The following EIF2S2 variants were observed in gnomAD, a reference collection of about 807,000 sequenced individuals.
EIF2S2 encodes the protein eukaryotic translation initiation factor 2 subunit 2.
Under a neutral mutation model 44.0 loss-of-function variants are expected in EIF2S2, and 4 were observed. The observed-to-expected ratio is 0.09, with a 90% confidence interval of 0.04 to 0.21. EIF2S2 has a LOEUF of 0.21. EIF2S2 is among the 10% of genes least tolerant of loss of function. The pLI, the probability that EIF2S2 is intolerant of heterozygous loss-of-function variation, is 1.00. For missense variants in EIF2S2, 154 were observed against 392.0 expected (o/e 0.39, Z 5.13); for synonymous variants, 108 against 128.3 (o/e 0.84, Z 1.07).
chr20:34,096,561 A>G lies in EIF2S2; in HGVS notation c.683+96T>C, dbSNP rs376687427. 140 of 1,281,118 alleles carry G rather than the reference A, an allele frequency of 1.1e-4. No homozygotes were observed. In the African/African-American group the frequency reaches 1.5e-3, roughly 14 times the overall value. The allele number at this position is 1,281,118 out of a possible 1,614,324, so 79.4% of individuals were successfully genotyped here. A position where few individuals can be genotyped will look rare whatever the true frequency, so the allele number is the denominator to read the frequency against. On this transcript the variant is annotated intron_variant, in intron 6 of 8. Coordinates refer to ENST00000374980, the MANE Select transcript of EIF2S2 (RefSeq NM_003908.5). ...ACCCCTACACCTGTGTGTTCTTTCC[A>G]TCTATAATAAAGTCGACAATAAGGA...
At position 34,089,655 on chromosome 20, in the gene EIF2S2, G is replaced by T; in HGVS notation, c.*75C>A. ...TTTTTTATCTTGTTTTTAATACAACGGTATATCCACTCTGATGGCAAACCT... is the reference window on the plus strand; with the variant it reads ...TTTTTTATCTTGTTTTTAATACAACTGTATATCCACTCTGATGGCAAACCT... On this transcript the variant is annotated 3_prime_UTR_variant, in exon 9 of 9. Transcript: ENST00000374980. The T allele has an allele frequency of 1.3e-6, 2 of 1,504,998 alleles. No individual in the cohort carries two copies. Among genetic ancestry groups the T allele is most frequent in the African/African-American group, 1.4e-5 (1 of 71,682 alleles). 93.2% of individuals were successfully genotyped at this position (1,504,998 alleles called of 1,614,324 possible).
chr20:34,112,174 G>A lies in EIF2S2; in HGVS notation c.-64C>T, dbSNP rs949095656. On this transcript the variant is annotated 5_prime_UTR_variant, in exon 1 of 9. Transcript: ENST00000374980. ...AGACGGGTCAGCCCCAGGCCCCGGC[G>A]GCAGCGCTGCCCCTGCCGATACCTC... 18 of 1,483,046 alleles carry A rather than the reference G, an allele frequency of 1.2e-5. No homozygotes were observed. The highest frequency in any genetic ancestry group is 1.6e-5 in the Non-Finnish European group (18 of 1,105,224). 91.9% of individuals were successfully genotyped at this position (1,483,046 alleles called of 1,614,324 possible). A position where few individuals can be genotyped will look rare whatever the true frequency, so the allele number is the denominator to read the frequency against.
At chr20:34,099,827 A>G (rs1360758243) in intron 3 of EIF2S2, among the ~76,000 whole-genome samples, 1 of 152,180 alleles carries the variant, frequency 6.6e-6, no homozygotes, top group Non-Finnish European at 1.5e-5. Context: ...ACAGCCAAAC[A>G]TAAGCAATGC....
Position 34,112,170 on chromosome 20 carries a change from C to A in EIF2S2, c.-60G>T. 6.7e-7 allele frequency: 1 copy of A among 1,493,206 alleles called. No homozygotes were observed. The highest frequency in any genetic ancestry group is 9.0e-7 in the Non-Finnish European group (1 of 1,112,058). The allele number at this position is 1,493,206 out of a possible 1,614,324, so 92.5% of individuals were successfully genotyped here. ...AGTCAGACGGGTCAGCCCCAGGCCCCGGCGGCAGCGCTGCCCCTGCCGATA... is the reference window on the plus strand; with the variant it reads ...AGTCAGACGGGTCAGCCCCAGGCCCAGGCGGCAGCGCTGCCCCTGCCGATA... On this transcript the variant is annotated 5_prime_UTR_variant, in exon 1 of 9. Transcript: ENST00000374980.
intron 8 of EIF2S2, 57 bp downstream of exon 8, chr20:34,090,460 A>G: frequency 9.0e-7 from 1 of 1,107,918 alleles, no homozygotes. Context: ...TTCCTCTAAC[A>G]CTGCAGCCTC....
intron 3 of EIF2S2, among the ~76,000 whole-genome samples, chr20:34,100,500 G>GT (rs1342829825): frequency 2.0e-5 from 3 of 152,178 alleles, no homozygotes; most frequent in African/African-American, 7.2e-5. Flanking sequence ...TCATTAATTA[G>GT]TATCTATTTT....
intron 6 of EIF2S2, 89 bp from the exon 7 acceptor site, chr20:34,093,820 AT>A: frequency 8.5e-7 from 1 of 1,182,870 alleles, no homozygotes; most frequent in Non-Finnish European, 1.2e-6. Context: ...TTGATCTGTG[AT>A]TATTTAGCTA....
chr20:34,106,891 A>C (rs951352183), intron 1 of EIF2S2, among the ~76,000 whole-genome samples: 62 of 152,330 alleles, frequency 4.1e-4, no homozygotes, highest in African/African-American at 1.4e-3. Flanking sequence ...TAGAGTAGAA[A>C]GCGCAGGAGG....
chr20:34,101,554 T>C (rs563191896), intron 3 of EIF2S2, among the ~76,000 whole-genome samples: 2 of 152,308 alleles, frequency 1.3e-5, no homozygotes, highest in East Asian at 1.9e-4. Context: ...ATGCTGAATA[T>C]AAGTTAGCAT....
At chr20:34,105,268 G>A in intron 2 of EIF2S2, 100 bp downstream of exon 2, 1 of 1,316,424 alleles carries the variant, frequency 7.6e-7, no homozygotes, top group African/African-American at 1.5e-5. Context: ...CACTGGAACA[G>A]CCTTGTCAGG....
At chr20:34,110,096 C>CAAAA (rs11167227) in intron 1 of EIF2S2, among the ~76,000 whole-genome samples, 4 of 86,192 alleles carry the variant, frequency 4.6e-5, no homozygotes, top group African/African-American at 1.7e-4. Context: ...AATTCCATCT[C>CAAAA]AAAAAAAAAA....
At chr20:34,111,710 T>C (rs1365068539) in intron 1 of EIF2S2, among the ~76,000 whole-genome samples, 4 of 152,336 alleles carry the variant, frequency 2.6e-5, no homozygotes, top group African/African-American at 7.2e-5. Flanking sequence ...GCGGCACCCC[T>C]GGCACCCCCG....
At chr20:34,103,077 A>G (rs2034311581) in intron 3 of EIF2S2, among the ~76,000 whole-genome samples, 1 of 152,198 alleles carries the variant, frequency 6.6e-6, no homozygotes, top group Non-Finnish European at 1.5e-5. Flanking sequence ...TTTGCTGCTT[A>G]GAGGTACACA....
At chr20:34,097,194 A>G (rs1391473147) in intron 5 of EIF2S2, among the ~76,000 whole-genome samples, 1 of 152,160 alleles carries the variant, frequency 6.6e-6, no homozygotes, top group African/African-American at 2.4e-5. Context: ...CAGTCCACAA[A>G]TTCAGGTGGG....
intron 1 of EIF2S2, among the ~76,000 whole-genome samples, chr20:34,109,534 C>T (rs1419287500): frequency 1.3e-5 from 2 of 151,970 alleles, no homozygotes; most frequent in Non-Finnish European, 2.9e-5. Context: ...AGAGCATGCA[C>T]GTGTAGTCCC....
chr20:34,089,698 C>A lies in EIF2S2; in HGVS notation c.*32G>T. ...GCAAACCTGTCCAGCCACATCTCCA[C>A]AACAAGCTTTGCAAAATCAGTGATT... On this transcript the variant is annotated 3_prime_UTR_variant, in exon 9 of 9. Coordinates refer to ENST00000374980, the MANE Select transcript of EIF2S2 (RefSeq NM_003908.5). 1.3e-6 allele frequency: 2 copies of A among 1,593,440 alleles called. No individual in the cohort carries two copies. The highest frequency in any genetic ancestry group is 1.7e-6 in the Non-Finnish European group (2 of 1,166,368).
At chr20:34,108,515 A>C (rs2034373798) in intron 1 of EIF2S2, among the ~76,000 whole-genome samples, 1 of 152,208 alleles carries the variant, frequency 6.6e-6, no homozygotes, top group Non-Finnish European at 1.5e-5. Context: ...TCTAGCTTCC[A>C]AATTATAAGC....
intron 6 of EIF2S2, among the ~76,000 whole-genome samples, chr20:34,095,500 G>T (rs1287835209): frequency 6.6e-6 from 1 of 152,100 alleles, no homozygotes; most frequent in Non-Finnish European, 1.5e-5. Context: ...TTTTAGTAGA[G>T]CCGGGGTTTC....
At chr20:34,091,572 G>A (rs1351285103) in intron 7 of EIF2S2, among the ~76,000 whole-genome samples, 1 of 151,912 alleles carries the variant, frequency 6.6e-6, no homozygotes, top group East Asian at 1.9e-4. Context: ...AAAAAAATTA[G>A]CCAGGCGTGG....
Sources: allele counts gnomAD v4.1 joint callset (sites outside exome capture counted in the v4.1 genomes callset), GRCh38; gene constraint gnomAD v4.1.1; transcripts MANE v1.5; gene names NCBI Gene and HGNC (gene_info 2026-07-23, HGNC 2026-07-21).